IQGAP1: variants seen among roughly 807,000 people sequenced by gnomAD.
IQGAP1 encodes ras GTPase-activating-like protein IQGAP1.
A neutral mutation model predicts 215.6 loss-of-function variants in IQGAP1; 66 were observed. That is an observed-to-expected ratio of 0.31 (90% CI 0.25 to 0.38). The LOEUF (loss-of-function observed/expected upper bound fraction) is 0.38, where lower values mean the gene tolerates loss of function less well. IQGAP1 is among the 10% of genes least tolerant of loss of function. IQGAP1 has a pLI of 1.00. For synonymous variants in IQGAP1, 772 were observed against 728.7 expected (o/e 1.06, Z -0.96); for missense variants, 1,712 against 1,997.1 (o/e 0.86, Z 2.72).
At chr15:90,440,991 CA>C (rs1458732365) in intron 7 of IQGAP1, among the ~76,000 whole-genome samples, 4 of 151,962 alleles carry the variant, frequency 2.6e-5, no homozygotes, top group African/African-American at 9.7e-5. Context: ...CCTGTAATCC[CA>C]GCTACTCGGG....
In IQGAP1 at chr15:90,491,471, T is replaced by A; in HGVS notation, c.4387T>A (p.Leu1463Ile). The change falls in exon 34 of 38, where the codon TTA becomes ATA. Residue 1463 changes from leucine (L) to isoleucine (I), a missense_variant. By Grantham distance (5) the Leu-to-Ile change is conservative (BLOSUM62 2). Around this residue, in one of 2 missense-constraint regions of IQGAP1, gnomAD observed 691 missense variants for 923.0 expected, o/e 0.75. Coordinates refer to ENST00000268182, the MANE Select transcript of IQGAP1 (RefSeq NM_003870.4). ...GAAGAAAGAGAAGATCCAGACAGGT[T>A]TAAAGAAGCTAACAGAGCTTGGAAC... ...QEKKEKIQTGLKKLTELGTVD... is the reference protein window; with the variant it reads ...QEKKEKIQTGIKKLTELGTVD... 1 of 1,614,080 alleles carries A rather than the reference T, an allele frequency of 6.2e-7. No individual in the cohort carries two copies. The highest frequency in any genetic ancestry group is 1.1e-5 in the South Asian group (1 of 91,074).
At chr15:90,488,337 A>T (rs1966158641) in intron 33 of IQGAP1, among the ~76,000 whole-genome samples, 1 of 152,128 alleles carries the variant, frequency 6.6e-6, no homozygotes, top group Non-Finnish European at 1.5e-5. Context: ...TATAATACCT[A>T]CTACAATATA....
chr15:90,400,487 T>TG (rs1330604112), intron 2 of IQGAP1, among the ~76,000 whole-genome samples: 4 of 152,132 alleles, frequency 2.6e-5, no homozygotes, highest in African/African-American at 9.7e-5. Flanking sequence ...CCTTTCAAGG[T>TG]GAAAAAAAGG....
At chr15:90,467,672 A>T in intron 18 of IQGAP1, 80 bp downstream of exon 18, 2 of 1,403,592 alleles carry the variant, frequency 1.4e-6, no homozygotes, top group Non-Finnish European at 1.9e-6. Flanking sequence ...GGAACAGGGC[A>T]TGTGGTCAGA....
chr15:90,460,684 C>A (rs1965748495), intron 15 of IQGAP1, among the ~76,000 whole-genome samples: 1 of 152,064 alleles, frequency 6.6e-6, no homozygotes, highest in African/African-American at 2.4e-5. Flanking sequence ...TTTCTGCAAG[C>A]CTTTGGTTAA....
At position 90,492,532 on chromosome 15, in the gene IQGAP1, A is replaced by G. The variant is rs1004431992; in HGVS notation, c.4462-13A>G. 1 of 1,587,594 alleles carries G rather than the reference A, an allele frequency of 6.3e-7. No individual in the cohort carries two copies. Among genetic ancestry groups the G allele is most frequent in the African/African-American group, 1.4e-5 (1 of 73,518 alleles). ...CTGTCGTTATTTTTCTAACTTTAAT[A>G]ATTATGTCTCAGGATATTCGGAATC... is the stretch of plus-strand genomic sequence containing the variant. On this transcript the variant is annotated splice_polypyrimidine_tract_variant and intron_variant, in intron 34 of 37. Coordinates refer to ENST00000268182, the MANE Select transcript of IQGAP1 (RefSeq NM_003870.4).
At chr15:90,483,633 T>C in intron 29 of IQGAP1, 40 bp downstream of exon 29, 1 of 1,400,832 alleles carries the variant, frequency 7.1e-7, no homozygotes, top group Non-Finnish European at 1.0e-6. Context: ...AGTCTGTGGA[T>C]GTATTTTTAT....
Position 90,473,962 on chromosome 15 carries a change from G to A in IQGAP1, c.2500G>A (p.Asp834Asn). ...TCGAGATCGCCTGCAGTACTTCCGG[G>A]ACCATGTAAGCACCCTTGGATCATA... ...RYRDRLQYFR[D>N]HINDIIKIQA... is the part of the protein sequence containing the mutation. The change falls in exon 21 of 38, where the codon GAC (aspartate) becomes AAC (asparagine). Residue 834 changes from aspartate (D) to asparagine (N), a missense_variant. By Grantham distance (23) the Asp-to-Asn change is conservative. This residue lies in a region of IQGAP1 where 1,021 missense variants were observed against 1,074.2 expected (regional missense o/e 0.95). Transcript: ENST00000268182. The A allele has an allele frequency of 1.2e-6, 2 of 1,613,976 alleles. No homozygotes were observed. The highest frequency in any genetic ancestry group is 1.7e-6 in the Non-Finnish European group (2 of 1,179,956).
At chr15:90,450,216 C>G (rs1251756759) in intron 11 of IQGAP1, among the ~76,000 whole-genome samples, 1 of 151,930 alleles carries the variant, frequency 6.6e-6, no homozygotes, top group Non-Finnish European at 1.5e-5. Flanking sequence ...TTTTAGCTCC[C>G]ATATATGAGT....
At chr15:90,456,989 A>ATAT (rs58940509) in intron 15 of IQGAP1, among the ~76,000 whole-genome samples, 44 of 146,876 alleles carry the variant, frequency 3.0e-4, no homozygotes, top group African/African-American at 9.9e-4. Flanking sequence ...CAGAAAAAAA[A>ATAT]ATATATATAT....
chr15:90,403,003 A>G (rs1964824964), intron 2 of IQGAP1, among the ~76,000 whole-genome samples: 1 of 152,174 alleles, frequency 6.6e-6, no homozygotes, highest in African/African-American at 2.4e-5. Context: ...GGGCCCTGTG[A>G]TTCACACCAG....
At chr15:90,491,832 G>A (rs8041397) in intron 34 of IQGAP1, among the ~76,000 whole-genome samples, 32,591 of 152,142 alleles carry the variant, frequency 0.21, 4,696 homozygotes, top group African/African-American at 0.41. Context: ...CATGATTACT[G>A]TGAAATATAA....
At position 90,483,552 on chromosome 15, in the gene IQGAP1, C is replaced by T; in HGVS notation, c.3747C>T (p.Ser1249=). 1 of 1,613,804 alleles carries T rather than the reference C, an allele frequency of 6.2e-7. No homozygotes were observed. The highest frequency in any genetic ancestry group is 8.5e-7 in the Non-Finnish European group (1 of 1,179,920). ...KMFLGDNAHL[S]IINEYLSQSY... ...TTCTGGGAGATAATGCCCACTTAAG[C>T]ATCATTAATGAATATCTTTCCCAGT... The change falls in exon 29 of 38, where the codon AGC becomes AGT. Residue 1249 remains serine (S), a synonymous_variant. Transcript: ENST00000268182.
intron 17 of IQGAP1, among the ~76,000 whole-genome samples, chr15:90,467,202 T>C (rs1965844461): frequency 6.6e-6 from 1 of 152,228 alleles, no homozygotes; most frequent in Admixed American, 6.5e-5. Flanking sequence ...AAGTTAATCA[T>C]GGTTAATTCC....
At chr15:90,487,742 G>A (rs1449460401) in intron 33 of IQGAP1, among the ~76,000 whole-genome samples, 160 bp downstream of exon 33, 2 of 152,166 alleles carry the variant, frequency 1.3e-5, no homozygotes, top group Non-Finnish European at 2.9e-5. Context: ...GTCTGAGAAA[G>A]TTTTTGCTTC....
intron 23 of IQGAP1, among the ~76,000 whole-genome samples, chr15:90,476,300 C>A (rs957274867): frequency 1.3e-5 from 2 of 152,084 alleles, no homozygotes; most frequent in African/African-American, 4.8e-5. Context: ...ACCTCTTTTT[C>A]CCCTAGTATT....
chr15:90,464,568 C>T (rs894665552), intron 15 of IQGAP1, among the ~76,000 whole-genome samples: 4 of 151,910 alleles, frequency 2.6e-5, no homozygotes, highest in East Asian at 1.9e-4. Context: ...TGGAAGATAA[C>T]GGCCAGGCGC....
At chr15:90,389,762 C>T (rs2151692087) in intron 1 of IQGAP1, among the ~76,000 whole-genome samples, 1 of 150,606 alleles carries the variant, frequency 6.6e-6, no homozygotes, top group African/African-American at 2.4e-5. Context: ...TGAGACCAGC[C>T]TGGGCAGCAC....
intron 33 of IQGAP1, among the ~76,000 whole-genome samples, chr15:90,489,125 CTTT>C (rs58123122): frequency 6.3e-4 from 86 of 136,152 alleles, no homozygotes; most frequent in Admixed American, 5.9e-4. Context: ...ACCCTTGTTT[CTTT>C]TTTTTTTTTT....
Sources: gnomAD v4.1 joint callset for allele counts (sites outside exome capture counted in the v4.1 genomes callset) on GRCh38, gnomAD v4.1.1 for gene constraint, gnomAD v4.1.1 regional missense constraint, MANE v1.5 for transcripts, NCBI Gene and HGNC (gene_info 2026-07-23, HGNC 2026-07-21) for gene names.